RPS11: variants seen among roughly 807,000 people sequenced by gnomAD.
RPS11 encodes small ribosomal subunit protein uS17.
For synonymous variants in RPS11, 107 were observed against 78.0 expected, an observed-to-expected ratio of 1.37 and a Z score of -1.96; for missense variants, 127 against 211.4, an observed-to-expected ratio of 0.60 and a Z score of 2.48.
At chr19:49,497,838 T>A (rs1322576971) in intron 3 of RPS11, 79 bp from the exon 4 acceptor site, 12 of 1,593,946 alleles carry the variant, frequency 7.5e-6, no homozygotes, top group Non-Finnish European at 1.0e-5. Flanking sequence ...CTCAGCTGCT[T>A]CTGAGTCCCA....
chr19:49,497,951 T>C lies in RPS11; in HGVS notation c.258T>C (p.Ile86=). 3.1e-6 allele frequency: 5 copies of C among 1,614,076 alleles called. No individual in the cohort carries two copies. Among genetic ancestry groups the C allele is most frequent in the Non-Finnish European group, 4.2e-6 (5 of 1,179,972 alleles). Residue 86 remains isoleucine (I), a synonymous_variant, in exon 4 of 5, where the codon ATT becomes ATC. Transcript: ENST00000270625. ...CCAAGATGAAGATGCAGAGGACCAT[T>C]GTCATCCGCCGAGACTATCTGCACT... is the stretch of plus-strand genomic sequence containing the variant. ...VVTKMKMQRT[I]VIRRDYLHYI...
Position 49,496,584 on chromosome 19 carries a change from GATT to G in RPS11, c.15+117_15+119del, listed in dbSNP as rs553330686. 1.9e-4 allele frequency: 226 copies of G among 1,173,594 alleles called. 1 individual carries two copies. In the African/African-American group the frequency reaches 2.9e-3, roughly 15 times the overall value. 72.7% of individuals were successfully genotyped at this position (1,173,594 alleles called of 1,614,324 possible). A position where few individuals can be genotyped will look rare whatever the true frequency, so the allele number is the denominator to read the frequency against. On this transcript the variant is annotated intron_variant, in intron 1 of 4. Transcript: ENST00000270625. Reference sequence around the variant, plus strand: ...TCGGGGGTTAATTCCGGGCGTCCGTGATTATTTTCTAGAGATTAACTGGAGTGG... The same window carrying G: ...TCGGGGGTTAATTCCGGGCGTCCGTGATTTTCTAGAGATTAACTGGAGTGG...
chr19:49,499,415 A>G (rs747813203), intron 4 of RPS11, 97 bp from the exon 5 acceptor site: 31 of 1,381,838 alleles, frequency 2.2e-5, no homozygotes, highest in Admixed American at 8.7e-5. Context: ...GGTGGAGCCG[A>G]AGCAGAGAGC....
rs1364436415 is a variant in RPS11 at position 49,498,396 on chromosome 19, GAAAC to G, written c.353+354_353+357del. The G allele has an allele frequency of 9.9e-6, 3 of 302,820 alleles. No homozygotes were observed. In the East Asian group the frequency reaches 2.3e-4, roughly 23 times the overall value. 18.8% of individuals were successfully genotyped at this position (302,820 alleles called of 1,614,324 possible). A position where few individuals can be genotyped will look rare whatever the true frequency, so the allele number is the denominator to read the frequency against. On this transcript the variant is annotated intron_variant, in intron 4 of 4. Transcript: ENST00000270625. ...CGCAGTGCGTTTTATAATTCTGTGT[GAAAC>G]AAAGTTTGCGTACATTGAACCATTG...
At chr19:49,496,492 G>T (rs1189790387) in intron 1 of RPS11, 21 bp downstream of exon 1, 3 of 1,607,346 alleles carry the variant, frequency 1.9e-6, no homozygotes, top group Admixed American at 3.4e-5. Flanking sequence ...GGGGTTGGAT[G>T]CCAGGGTGCG....
At chr19:49,497,800 C>G (rs748202345) in intron 3 of RPS11, 117 bp from the exon 4 acceptor site, 5 of 1,453,892 alleles carry the variant, frequency 3.4e-6, no homozygotes, top group Non-Finnish European at 3.9e-6. Flanking sequence ...AAAACTGATG[C>G]CGGAAATGGG....
In RPS11 at chr19:49,496,489, G is replaced by T. The variant is rs1273793299; in HGVS notation, c.15+18G>T. On this transcript the variant is annotated intron_variant, in intron 1 of 4. Coordinates refer to ENST00000270625, the MANE Select transcript of RPS11 (RefSeq NM_001015.5). Reference sequence around the variant, plus strand: ...ACATTCAGGTGCGGACTCGGGGTTGGATGCCAGGGTGCGGGGTCCGCCTTG... The same window carrying T: ...ACATTCAGGTGCGGACTCGGGGTTGTATGCCAGGGTGCGGGGTCCGCCTTG... The T allele has an allele frequency of 1.2e-6, 2 of 1,608,380 alleles. No homozygotes were observed. Among genetic ancestry groups the T allele is most frequent in the South Asian group, 2.2e-5 (2 of 90,832 alleles).
At chr19:49,497,455 GCC>G (rs1452638010) in intron 2 of RPS11, 63 bp from the exon 3 acceptor site, 2 of 1,594,806 alleles carry the variant, frequency 1.3e-6, no homozygotes, top group East Asian at 4.5e-5. Context: ...CTGAGGCCAC[GCC>G]CCTGGCTCTT....
At chr19:49,499,385 G>A in intron 4 of RPS11, 127 bp from the exon 5 acceptor site, 1 of 1,002,560 alleles carries the variant, frequency 1.0e-6, no homozygotes, top group Non-Finnish European at 1.5e-6. Context: ...GAATTGGCGA[G>A]TAGAGCTTGG....
intron 4 of RPS11, chr19:49,498,321 G>A (rs1300714408): frequency 2.2e-6 from 1 of 460,412 alleles, no homozygotes; most frequent in African/African-American, 2.0e-5. Context: ...TAAACAAGAA[G>A]CTCATTTGTT....
chr19:49,499,139 G>T (rs2079922073), intron 4 of RPS11, among the ~76,000 whole-genome samples: 1 of 152,128 alleles, frequency 6.6e-6, no homozygotes, highest in South Asian at 2.1e-4. Context: ...TGGAGAGGAG[G>T]GTGGCCCAAA....
At chr19:49,497,764 G>A (rs1232162805) in intron 3 of RPS11, 153 bp from the exon 4 acceptor site, 1 of 1,186,438 alleles carries the variant, frequency 8.4e-7, no homozygotes, top group Non-Finnish European at 1.3e-6. Context: ...ATGCCCACGT[G>A]GGCACTGCTG....
At chr19:49,499,276 G>A (rs765349172) in intron 4 of RPS11, among the ~76,000 whole-genome samples, 7 of 152,178 alleles carry the variant, frequency 4.6e-5, no homozygotes, top group African/African-American at 1.2e-4. Flanking sequence ...AATGGAGCTC[G>A]TCCACCCCAG....
chr19:49,496,890 T>G (rs2079909158), intron 1 of RPS11, among the ~76,000 whole-genome samples: 1 of 152,050 alleles, frequency 6.6e-6, no homozygotes, highest in African/African-American at 2.4e-5. Flanking sequence ...TGATCCTCGC[T>G]GAAAGGTGTC....
At chr19:49,497,693 A>G (rs1198427039) in intron 3 of RPS11, 98 bp downstream of exon 3, 1 of 1,258,922 alleles carries the variant, frequency 7.9e-7, no homozygotes, top group African/African-American at 1.5e-5. Context: ...GTGGTTAGGA[A>G]TGCAAACTTG....
chr19:49,498,367 C>T (rs757805026), intron 4 of RPS11: 10 of 350,844 alleles, frequency 2.9e-5, no homozygotes, highest in African/African-American at 4.2e-5. Context: ...TGAAAGTAGT[C>T]TTACGCAGTG....
At chr19:49,498,790 A>G (rs2079920391) in intron 4 of RPS11, among the ~76,000 whole-genome samples, 1 of 152,192 alleles carries the variant, frequency 6.6e-6, no homozygotes, top group African/African-American at 2.4e-5. Context: ...GCGTTTCAGA[A>G]TTTTTGGATT....
At chr19:49,497,823 C>T (rs2079914541) in intron 3 of RPS11, 94 bp from the exon 4 acceptor site, 1 of 1,555,240 alleles carries the variant, frequency 6.4e-7, no homozygotes, top group Non-Finnish European at 8.9e-7. Context: ...TTTTTGGGAT[C>T]CCTGCTCAGC....
At position 49,497,341 on chromosome 19, in the gene RPS11, G is replaced by A. The variant is rs201086291; in HGVS notation, c.147+16G>A. On this transcript the variant is annotated intron_variant, in intron 2 of 4. Transcript: ENST00000270625. Reference sequence around the variant, plus strand: ...ACCCAAGGAGGTGCGGGGAACCTCAGAAGAAAGAAGGGGAACCTGGCGTTC... The same window carrying A: ...ACCCAAGGAGGTGCGGGGAACCTCAAAAGAAAGAAGGGGAACCTGGCGTTC... The A allele has an allele frequency of 3.9e-5, 63 of 1,613,882 alleles. 1 individual carries two copies. The East Asian group carries it at 1.4e-3, about 35-fold the overall frequency.
Sources: allele counts gnomAD v4.1 joint callset (sites outside exome capture counted in the v4.1 genomes callset), GRCh38; gene constraint gnomAD v4.1.1; transcripts MANE v1.5; gene names NCBI Gene and HGNC (gene_info 2026-07-23, HGNC 2026-07-21).